The following DACH2 variants were observed in gnomAD, a reference collection of about 807,000 sequenced individuals.
The protein encoded by DACH2 is dachshund homolog 2.
A neutral mutation model predicts 35.8 loss-of-function variants in DACH2; 17 were observed. The ratio of observed to expected loss-of-function variants is 0.48; its 90% CI spans 0.33 to 0.71. The LOEUF is 0.71. Ranked by LOEUF, DACH2 falls within the 30% of genes least tolerant of loss-of-function variation. The pLI, the probability that DACH2 is intolerant of heterozygous loss-of-function variation, is 0.02. For missense variants in DACH2, 469 were observed against 472.7 expected (o/e 0.99, Z 0.07); for synonymous variants, 195 against 177.3 (o/e 1.10, Z -0.79).
At chrX:86,757,604 T>C (rs1477386118) in intron 7 of DACH2, among the ~76,000 whole-genome samples, 2 of 112,133 alleles carry the variant, frequency 1.8e-5, no homozygotes, top group Admixed American at 1.9e-4. Context: ...TTGGAGAAGA[T>C]GCCTGGTGGG....
chrX:86,826,929 C>A lies in DACH2; in HGVS notation c.1751-5177C>A, dbSNP rs771788455. Among the ~76,000 whole-genome samples the A allele has an allele frequency of 1.6e-3, 174 of 112,007 alleles. 1 individual carries two copies. Among genetic ancestry groups the A allele is most frequent in the African/African-American group, 5.2e-3 (160 of 30,906 alleles). Reference sequence around the variant, plus strand: ...CACTAATTAAGCAACATAAAGAAAACATAGATTAGAAAATATTGCCAATAG... The same window carrying A: ...CACTAATTAAGCAACATAAAGAAAAAATAGATTAGAAAATATTGCCAATAG... On this transcript the variant is annotated intron_variant, in intron 11 of 11. Coordinates refer to ENST00000373125, the MANE Select transcript of DACH2 (RefSeq NM_053281.3).
intron 7 of DACH2, among the ~76,000 whole-genome samples, chrX:86,794,756 C>A (rs1451942476): frequency 1.8e-5 from 2 of 111,511 alleles, no homozygotes; most frequent in Non-Finnish European, 3.8e-5. Flanking sequence ...GTAGCAGTGG[C>A]AATAAAGCAA....
intron 3 of DACH2, among the ~76,000 whole-genome samples, chrX:86,596,508 A>C (rs2039714700): frequency 9.0e-6 from 1 of 111,560 alleles, no homozygotes; most frequent in African/African-American, 3.2e-5. Context: ...CCATTTGTAC[A>C]TGTTCTTTGG....
chrX:86,375,992 G>C (rs1001214229), intron 1 of DACH2, among the ~76,000 whole-genome samples: 1 of 110,242 alleles, frequency 9.1e-6, no homozygotes, highest in South Asian at 3.8e-4. Context: ...AGATTTCACT[G>C]TTCTTTATTA....
intron 7 of DACH2, among the ~76,000 whole-genome samples, chrX:86,778,757 C>T (rs1226259903): frequency 9.0e-6 from 1 of 110,567 alleles, no homozygotes; most frequent in East Asian, 2.9e-4. Flanking sequence ...TTTACAGGCA[C>T]CTGCCACTGC....
At chrX:86,244,947 C>T (rs2033247159) in intron 1 of DACH2, among the ~76,000 whole-genome samples, 1 of 111,169 alleles carries the variant, frequency 9.0e-6, no homozygotes, top group South Asian at 3.8e-4. Context: ...CATCTATCAC[C>T]TTGTATTATA....
intron 1 of DACH2, among the ~76,000 whole-genome samples, chrX:86,349,684 G>A (rs2035560378): frequency 8.9e-6 from 1 of 111,872 alleles, no homozygotes; most frequent in South Asian, 3.7e-4. Context: ...AAGATAATCT[G>A]GTTAAATACT....
At chrX:86,731,913 A>G (rs2041536448) in intron 6 of DACH2, among the ~76,000 whole-genome samples, 1 of 112,385 alleles carries the variant, frequency 8.9e-6, no homozygotes, top group Non-Finnish European at 1.9e-5. Context: ...TTAGATGCAT[A>G]GGATATATCT....
chrX:86,459,438 G>T (rs1602543685), intron 2 of DACH2, among the ~76,000 whole-genome samples: 1 of 111,587 alleles, frequency 9.0e-6, no homozygotes, highest in South Asian at 3.7e-4. Context: ...CACCCAGTTT[G>T]TACCTGGAAC....
intron 7 of DACH2, among the ~76,000 whole-genome samples, chrX:86,811,397 A>T (rs1487673656): frequency 1.8e-5 from 2 of 111,724 alleles, no homozygotes; most frequent in African/African-American, 3.3e-5. Flanking sequence ...AATGAAGTCC[A>T]TATTCCATAC....
Position 86,384,660 on chromosome X carries a change from A to C in DACH2, c.527+7798A>C, listed in dbSNP as rs538810288. On this transcript the variant is annotated intron_variant, in intron 2 of 11. Coordinates refer to ENST00000373125, the MANE Select transcript of DACH2 (RefSeq NM_053281.3). ...GAATTTTTGTTTTTAAACTAATGTT[A>C]ATGTTCAAAAGAGGGCAAGTATAAA... Among the ~76,000 whole-genome samples the C allele has an allele frequency of 3.1e-4, 35 of 112,019 alleles. 2 individuals are homozygous for C. In the South Asian group the frequency reaches 0.012, roughly 39 times the overall value.
chrX:86,604,370 T>C (rs767896333), intron 3 of DACH2, among the ~76,000 whole-genome samples: 1 of 111,628 alleles, frequency 9.0e-6, no homozygotes, highest in Non-Finnish European at 1.9e-5. Context: ...GTTGTACTCC[T>C]TCATGTATAA....
chrX:86,324,814 T>C (rs1274974811), intron 1 of DACH2, among the ~76,000 whole-genome samples: 3 of 108,951 alleles, frequency 2.8e-5, no homozygotes, highest in Non-Finnish European at 5.7e-5. Context: ...CCTGACCTCG[T>C]GAGCCACTGT....
intron 1 of DACH2, among the ~76,000 whole-genome samples, chrX:86,315,510 G>A (rs996792584): frequency 2.7e-5 from 3 of 111,228 alleles, no homozygotes; most frequent in Non-Finnish European, 3.8e-5. Context: ...AGGCTATAGC[G>A]GCCACAGATA....
At chrX:86,498,899 T>C (rs1434355562) in intron 2 of DACH2, among the ~76,000 whole-genome samples, 2 of 112,101 alleles carry the variant, frequency 1.8e-5, no homozygotes, top group Non-Finnish European at 3.8e-5. Flanking sequence ...TTGTTCTTAA[T>C]CTAGAATGTT....
At chrX:86,567,081 G>A (rs1206566483) in intron 3 of DACH2, among the ~76,000 whole-genome samples, 1 of 111,406 alleles carries the variant, frequency 9.0e-6, no homozygotes, top group South Asian at 3.7e-4. Flanking sequence ...CTTGAAGGAC[G>A]GGTAGTGTTT....
In DACH2 at chrX:86,191,728, G is replaced by A. The variant is rs376253871; in HGVS notation, c.488+42620G>A. On this transcript the variant is annotated intron_variant, in intron 1 of 11. Transcript: ENST00000373125. The stretch of plus-strand genomic sequence containing the variant: ...GGCTGAGACGGGCGGATCACTTGAG[G>A]TCAGGAGTTTGAGACCAGTCTGGCC... 3.4e-4 allele frequency among the ~76,000 whole-genome samples: 38 copies of A among 111,181 alleles called. 1 individual carries two copies. Among genetic ancestry groups the A allele is most frequent in the Admixed American group, 1.6e-3 (17 of 10,364 alleles).
At position 86,648,470 on chromosome X, in the gene DACH2, A is replaced by C. The variant is rs768447310; in HGVS notation, c.641-2566A>C. On this transcript the variant is annotated intron_variant, in intron 3 of 11. Coordinates refer to ENST00000373125, the MANE Select transcript of DACH2 (RefSeq NM_053281.3). ...TGTTACACTGAGAAGCTTCCTGAGG[A>C]TAAGAATTTAATTGAACAGTTGAAT... Among the ~76,000 whole-genome samples the C allele has an allele frequency of 6.3e-5, 7 of 111,303 alleles. No individual in the cohort carries two copies. The South Asian group carries it at 2.6e-3, about 41-fold the overall frequency.
chrX:86,705,312 G>A (rs1426004331), intron 5 of DACH2, among the ~76,000 whole-genome samples: 1 of 108,979 alleles, frequency 9.2e-6, no homozygotes, highest in Non-Finnish European at 1.9e-5. Flanking sequence ...GGTGGGAGAG[G>A]GATAAAAGAC....
Sources: gnomAD v4.1 joint callset for allele counts (sites outside exome capture counted in the v4.1 genomes callset) on GRCh38, gnomAD v4.1.1 for gene constraint, MANE v1.5 for transcripts, NCBI Gene and HGNC (gene_info 2026-07-23, HGNC 2026-07-21) for gene names.